Variants in BAZ2A observed in about 807,000 individuals in gnomAD.
BAZ2A encodes bromodomain adjacent to zinc finger domain 2A, also known as bromodomain adjacent to zinc finger domain protein 2A.
Under a neutral mutation model 199.9 loss-of-function variants are expected in BAZ2A, and 34 were observed. That is an observed-to-expected ratio of 0.17 (90% CI 0.13 to 0.23). BAZ2A has a LOEUF of 0.23. BAZ2A is among the 10% of genes least tolerant of loss of function. BAZ2A has a pLI of 1.00. For synonymous variants in BAZ2A, 857 were observed against 883.9 expected (o/e 0.97, Z 0.54); for missense variants, 2,002 against 2,391.1 (o/e 0.84, Z 3.39).
chr12:56,638,295 G>T (rs745841573), upstream of BAZ2A: 1 of 1,589,350 alleles, frequency 6.3e-7, no homozygotes, highest in East Asian at 2.2e-5. Context: ...GGGGCAAGGA[G>T]AGAGACAGTA....
chr12:56,598,916 T>C lies in BAZ2A; in HGVS notation c.5498A>G (p.Lys1833Arg). The C allele has an allele frequency of 6.2e-7, 1 of 1,606,122 alleles. No homozygotes were observed. Among genetic ancestry groups the C allele is most frequent in the South Asian group, 1.1e-5 (1 of 89,582 alleles). ...RLVSGYRRIIKNPMDFSTMRE... is the reference protein window; with the variant it reads ...RLVSGYRRIIRNPMDFSTMRE... ...CATGGTGGAAAAATCCATAGGATTT[T>C]TGATGATGCGCCGGTACCCACTCAC... is the stretch of plus-strand genomic sequence containing the variant. The change falls in exon 28 of 29, where the codon AAA becomes AGA. Residue 1833 changes from lysine (K) to arginine (R), a missense_variant. Transcript: ENST00000549884.
rs544249402 is a variant in BAZ2A at position 56,610,634 on chromosome 12, G to A, written c.1671-117C>T. 1.1e-3 allele frequency: 879 copies of A among 825,114 alleles called. 10 individuals carry two copies. The South Asian group carries it at 0.014, about 13-fold the overall frequency. 51.1% of individuals were successfully genotyped at this position (825,114 alleles called of 1,614,324 possible). On this transcript the variant is annotated intron_variant, in intron 7 of 28. Coordinates refer to ENST00000549884, the MANE Select transcript of BAZ2A (RefSeq NM_001300905.2). ...TCCCCACATTTGTATCTCTAGAACTGCATGCAGATGCAAAAGCACCAAGAG... is the reference window on the plus strand; with the variant it reads ...TCCCCACATTTGTATCTCTAGAACTACATGCAGATGCAAAAGCACCAAGAG...
intron 1 of BAZ2A, among the ~76,000 whole-genome samples, chr12:56,620,782 A>G (rs1950896098): frequency 6.6e-6 from 1 of 152,024 alleles, no homozygotes; most frequent in Non-Finnish European, 1.5e-5. Context: ...GCTGGTCTTG[A>G]ATTCCTGACC....
intron 10 of BAZ2A, among the ~76,000 whole-genome samples, chr12:56,609,115 C>T (rs1225459397): frequency 1.3e-5 from 2 of 151,870 alleles, no homozygotes; most frequent in South Asian, 2.1e-4. Context: ...CTTGACCTCA[C>T]GATCCGCCCG....
chr12:56,612,998 T>G lies in BAZ2A; in HGVS notation c.1135+17A>C, dbSNP rs554889005. ...CTCAGGTAAAGGTCTTTCTTTGTCC[T>G]ACCTACCGTCACTTACCTTGCAGGA... On this transcript the variant is annotated intron_variant, in intron 5 of 28. Coordinates refer to ENST00000549884, the MANE Select transcript of BAZ2A (RefSeq NM_001300905.2). 1 of 1,597,714 alleles carries G rather than the reference T, an allele frequency of 6.3e-7. No homozygotes were observed. Among genetic ancestry groups the G allele is most frequent in the Admixed American group, 1.7e-5 (1 of 59,760 alleles).
chr12:56,604,532 A>G (rs1378336821), intron 15 of BAZ2A, 53 bp downstream of exon 15: 1 of 1,511,540 alleles, frequency 6.6e-7, no homozygotes, highest in Non-Finnish European at 8.9e-7. Context: ...CAAGTCCTCC[A>G]CCCCATTCTG....
At chr12:56,612,897 C>T in intron 5 of BAZ2A, 118 bp downstream of exon 5, 1 of 1,165,644 alleles carries the variant, frequency 8.6e-7, no homozygotes, top group Non-Finnish European at 1.2e-6. Flanking sequence ...GCTGAGATTA[C>T]AGGCGTGAGC....
chr12:56,608,617 T>C (rs928990829), intron 10 of BAZ2A, among the ~76,000 whole-genome samples: 1 of 151,902 alleles, frequency 6.6e-6, no homozygotes, highest in African/African-American at 2.4e-5. Context: ...TTGCCCAGGC[T>C]GGAGTGCAAT....
rs377754199 is a variant in BAZ2A at position 56,613,032 on chromosome 12, C to A, written c.1118G>T (p.Gly373Val). 1.9e-6 allele frequency: 3 copies of A among 1,613,324 alleles called. 1 individual carries two copies. Among genetic ancestry groups the A allele is most frequent in the Middle Eastern group, 3.4e-4 (2 of 5,812 alleles). ...FASPTSPPVLGESVLQDNSFD... is the reference protein window; with the variant it reads ...FASPTSPPVLVESVLQDNSFD... Reference sequence around the variant, plus strand: ...TCACTTACCTTGCAGGACAGACTCCCCTAGGACAGGTGGAGAGGTGGGACT... The same window carrying A: ...TCACTTACCTTGCAGGACAGACTCCACTAGGACAGGTGGAGAGGTGGGACT... Residue 373 changes from glycine (G) to valine (V), a missense_variant, in exon 5 of 29, where the codon GGG becomes GTG. Gly to Val is a moderately radical substitution (Grantham distance 109, BLOSUM62 -3). Around this residue, in one of 6 missense-constraint regions of BAZ2A, gnomAD observed 641 missense variants for 694.5 expected, o/e 0.92. Coordinates refer to ENST00000549884, the MANE Select transcript of BAZ2A (RefSeq NM_001300905.2).
chr12:56,605,474 T>G, intron 13 of BAZ2A, 147 bp from the exon 14 acceptor site: 1 of 878,848 alleles, frequency 1.1e-6, no homozygotes, highest in Non-Finnish European at 1.7e-6. Context: ...CAAGCTGGAG[T>G]GCAGTGGCAT....
At chr12:56,603,857 A>G (rs1592564702) in intron 16 of BAZ2A, among the ~76,000 whole-genome samples, 157 bp from the exon 17 acceptor site, 1 of 152,340 alleles carries the variant, frequency 6.6e-6, no homozygotes, top group East Asian at 1.9e-4. Flanking sequence ...TACTAAAAAT[A>G]CAAAAATCAG....
At chr12:56,618,401 T>C (rs1565829456) in intron 1 of BAZ2A, among the ~76,000 whole-genome samples, 2 of 152,038 alleles carry the variant, frequency 1.3e-5, no homozygotes, top group African/African-American at 2.4e-5. Context: ...CCTTTCTGAA[T>C]ACTACTAAGA....
chr12:56,611,546 A>G (rs1950558461), intron 7 of BAZ2A, 27 bp downstream of exon 7: 1 of 1,600,866 alleles, frequency 6.2e-7, no homozygotes, highest in African/African-American at 1.3e-5. Flanking sequence ...GTCAAGGTCA[A>G]TAAATGTAGC....
chr12:56,618,816 G>A (rs1950810991), intron 1 of BAZ2A, among the ~76,000 whole-genome samples: 1 of 151,994 alleles, frequency 6.6e-6, no homozygotes, highest in Non-Finnish European at 1.5e-5. Flanking sequence ...GTTGCAGTGA[G>A]CTGAAATTGC....
rs1408872536 is a variant in BAZ2A at position 56,601,037 on chromosome 12, G to A, written c.4356C>T (p.Ala1452=). The A allele has an allele frequency of 1.2e-6, 2 of 1,610,758 alleles. No individual in the cohort carries two copies. Among genetic ancestry groups the A allele is most frequent in the East Asian group, 4.5e-5 (2 of 44,766 alleles). The change falls in exon 22 of 29, where the codon GCC becomes GCT. Residue 1452 remains alanine, a synonymous_variant. Coordinates refer to ENST00000549884, the MANE Select transcript of BAZ2A (RefSeq NM_001300905.2). ...TCTCCCGGATACCTCGGGGGTGTAG[G>A]GCCTTGAGCATGGCATCCAACATCT... ...DPEMLDAMLK[A]LHPRGIREKA... is the part of the protein sequence containing the mutation.
At chr12:56,604,352 G>C (rs1385489457) in intron 15 of BAZ2A, 61 bp from the exon 16 acceptor site, 2 of 1,502,148 alleles carry the variant, frequency 1.3e-6, no homozygotes, top group Non-Finnish European at 9.1e-7. Flanking sequence ...GGAGGCTCAA[G>C]GGTAAAGGGG....
intron 16 of BAZ2A, among the ~76,000 whole-genome samples, chr12:56,603,918 C>A (rs1950261553): frequency 6.6e-6 from 1 of 152,084 alleles, no homozygotes; most frequent in African/African-American, 2.4e-5. Context: ...GAGGCTGAGG[C>A]AGAAGAATCG....
At chr12:56,603,468 G>A in intron 17 of BAZ2A, 50 bp from the exon 18 acceptor site, 1 of 1,613,864 alleles carries the variant, frequency 6.2e-7, no homozygotes, top group South Asian at 1.1e-5. Flanking sequence ...TCAGATTCAA[G>A]AAAGAGGAAT....
In BAZ2A at chr12:56,615,442, G is replaced by A. The variant is rs751569638; in HGVS notation, c.302C>T (p.Pro101Leu). Residue 101 changes from proline to leucine, a missense_variant, in exon 3 of 29, where the codon CCT becomes CTT. Coordinates refer to ENST00000549884, the MANE Select transcript of BAZ2A (RefSeq NM_001300905.2). ...WNYSQYPSAN[P>L]GSNLKDPPLL... ...GGGTGGGTCCTTGAGGTTGCTGCCAGGATTGGCAGATGGGTACTGTGAGTA... is the reference window on the plus strand; with the variant it reads ...GGGTGGGTCCTTGAGGTTGCTGCCAAGATTGGCAGATGGGTACTGTGAGTA... 12 of 1,613,332 alleles carry A rather than the reference G, an allele frequency of 7.4e-6. No individual in the cohort carries two copies. The highest frequency in any genetic ancestry group is 1.6e-4 in the Middle Eastern group (1 of 6,084).
Sources: allele counts gnomAD v4.1 joint callset (sites outside exome capture counted in the v4.1 genomes callset), GRCh38; gene constraint gnomAD v4.1.1; regional missense constraint gnomAD v4.1.1; transcripts MANE v1.5; gene names NCBI Gene and HGNC (gene_info 2026-07-23, HGNC 2026-07-21).